TMPRSS11D: variants seen among roughly 807,000 people sequenced by gnomAD.
TMPRSS11D encodes transmembrane serine protease 11D.
Under a neutral mutation model 44.4 loss-of-function variants are expected in TMPRSS11D, and 32 were observed. That is an observed-to-expected ratio of 0.72 (90% CI 0.54 to 0.97). The LOEUF is 0.97. TMPRSS11D is among the 50% of genes least tolerant of loss of function. The pLI, the probability that TMPRSS11D is intolerant of heterozygous loss-of-function variation, is 0.00. For missense variants in TMPRSS11D, 446 were observed against 502.6 expected, an observed-to-expected ratio of 0.89 and a Z score of 1.08; for synonymous variants, 179 against 177.9, an observed-to-expected ratio of 1.01 and a Z score of -0.05.
intron 4 of TMPRSS11D, among the ~76,000 whole-genome samples, chr4:67,841,351 T>C (rs552726873): frequency 1.3e-5 from 2 of 152,032 alleles, no homozygotes; most frequent in East Asian, 3.9e-4. Flanking sequence ...TAAGAAGGAA[T>C]AGCTAGGGAG....
rs146142881 is a variant in TMPRSS11D, at chr4:67,857,059, A to G, written c.130+2498T>C. ...GGAAATGTAAACTAGTGCAGCCATT[A>G]TGGAAAACGGTATTGAGATTTCTCA... On this transcript the variant is annotated intron_variant, in intron 2 of 9. Transcript: ENST00000283916. Among the ~76,000 whole-genome samples the G allele has an allele frequency of 7.4e-3, 1,128 of 152,176 alleles. 20 individuals are homozygous for G. Among genetic ancestry groups the G allele is most frequent in the African/African-American group, 0.026 (1,078 of 41,522 alleles).
At chr4:67,830,331 A>T (rs1717915526) in intron 7 of TMPRSS11D, among the ~76,000 whole-genome samples, 1 of 151,822 alleles carries the variant, frequency 6.6e-6, no homozygotes, top group Non-Finnish European at 1.5e-5. Flanking sequence ...TGACAGGAGG[A>T]AAAAAAATTA....
chr4:67,850,900 GC>G (rs1718491529), intron 3 of TMPRSS11D, among the ~76,000 whole-genome samples: 1 of 152,136 alleles, frequency 6.6e-6, no homozygotes, highest in South Asian at 2.1e-4. Context: ...ATAGATGACT[GC>G]ACACACACTC....
At chr4:67,850,891 T>C (rs533498872) in intron 3 of TMPRSS11D, among the ~76,000 whole-genome samples, 4 of 152,358 alleles carry the variant, frequency 2.6e-5, no homozygotes, top group African/African-American at 9.6e-5. Flanking sequence ...TTACAACTTA[T>C]AGATGACTGC....
intron 3 of TMPRSS11D, among the ~76,000 whole-genome samples, chr4:67,847,917 C>A (rs1331733461): frequency 1.3e-5 from 2 of 151,994 alleles, no homozygotes; most frequent in African/African-American, 4.8e-5. Context: ...TTTTGTGTTT[C>A]TTAGACACTT....
At chr4:67,846,734 T>G (rs1437064138) in intron 3 of TMPRSS11D, among the ~76,000 whole-genome samples, 1 of 152,196 alleles carries the variant, frequency 6.6e-6, no homozygotes. Flanking sequence ...ACATTATAGT[T>G]AATCTTTTCT....
At chr4:67,862,873 C>T (rs922000715) in intron 1 of TMPRSS11D, among the ~76,000 whole-genome samples, 6 of 151,272 alleles carry the variant, frequency 4.0e-5, no homozygotes, top group African/African-American at 1.5e-4. Flanking sequence ...CACTTGGACA[C>T]AGGGAGGGGA....
chr4:67,846,056 G>A lies in TMPRSS11D; in HGVS notation c.250-3431C>T, dbSNP rs576339100. Among the ~76,000 whole-genome samples, 123 of 152,202 alleles carry A rather than the reference G, an allele frequency of 8.1e-4. No homozygotes were observed. In the Middle Eastern group the frequency reaches 0.01, roughly 13 times the overall value. On this transcript the variant is annotated intron_variant, in intron 3 of 9. Coordinates refer to ENST00000283916, the MANE Select transcript of TMPRSS11D (RefSeq NM_004262.3). ...TATTATTAGAATAGAAGTAATAGAA[G>A]TAATGCTTTTGTCATTTTAATCACT...
intron 1 of TMPRSS11D, among the ~76,000 whole-genome samples, chr4:67,864,864 T>C (rs1189121314): frequency 6.6e-6 from 1 of 151,826 alleles, no homozygotes; most frequent in Non-Finnish European, 1.5e-5. Flanking sequence ...AGAGCACCCA[T>C]ATTCATAAAA....
At chr4:67,827,821 T>G (rs1233528689) in intron 7 of TMPRSS11D, among the ~76,000 whole-genome samples, 1 of 152,064 alleles carries the variant, frequency 6.6e-6, no homozygotes, top group Non-Finnish European at 1.5e-5. Flanking sequence ...CACAAATATC[T>G]TTGATTTCTC....
chr4:67,859,669 A>G lies in TMPRSS11D; in HGVS notation c.18T>C (p.Arg6=). The change falls in exon 2 of 10, where the codon CGT becomes CGC. Residue 6 remains arginine, a synonymous_variant. Transcript: ENST00000283916. The part of the protein sequence containing the change: MYRPA[R]VTSTSRFLNP... ...TCAGAAATCTTGAAGTCGAAGTTAC[A>G]CGTGCTGGCCTTACAAGAGAGAGAG... 1 of 1,612,858 alleles carries G rather than the reference A, an allele frequency of 6.2e-7. No homozygotes were observed. The highest frequency in any genetic ancestry group is 1.1e-5 in the South Asian group (1 of 91,046).
At chr4:67,828,084 G>C (rs982976653) in intron 7 of TMPRSS11D, among the ~76,000 whole-genome samples, 1 of 151,330 alleles carries the variant, frequency 6.6e-6, no homozygotes, top group Non-Finnish European at 1.5e-5. Context: ...GTATGTATGG[G>C]GTCTTCAAAA....
At chr4:67,861,151 CT>C (rs1718784100) in intron 1 of TMPRSS11D, among the ~76,000 whole-genome samples, 1 of 152,068 alleles carries the variant, frequency 6.6e-6, no homozygotes, top group Non-Finnish European at 1.5e-5. Flanking sequence ...TTTATGATGT[CT>C]TTTTGCTATA....
intron 3 of TMPRSS11D, among the ~76,000 whole-genome samples, chr4:67,852,313 T>C (rs1718528794): frequency 6.6e-6 from 1 of 152,154 alleles, no homozygotes; most frequent in Admixed American, 6.5e-5. Flanking sequence ...AGATGAGCAC[T>C]GAAAGCTTTG....
intron 7 of TMPRSS11D, among the ~76,000 whole-genome samples, chr4:67,832,849 C>T (rs1717979968): frequency 6.6e-6 from 1 of 151,752 alleles, no homozygotes; most frequent in African/African-American, 2.4e-5. Flanking sequence ...TCAATGCTAC[C>T]AGTAACACTA....
chr4:67,821,321 G>T lies in TMPRSS11D; in HGVS notation c.*1016C>A, dbSNP rs998687753. ...GTGACAAAGTTTTTTCTGTCTTCAG[G>T]ATCATTCTATTGATATTAAGCTATT... On this transcript the variant is annotated 3_prime_UTR_variant, in exon 10 of 10. Transcript: ENST00000283916. The T allele has an allele frequency of 6.6e-6, 1 of 152,024 alleles. No individual in the cohort carries two copies. The highest frequency in any genetic ancestry group is 1.5e-5 in the Non-Finnish European group (1 of 67,996). The allele number at this position is 152,024 out of a possible 1,614,324, so 9.4% of individuals were successfully genotyped here. A position where few individuals can be genotyped will look rare whatever the true frequency, so the allele number is the denominator to read the frequency against.
intron 3 of TMPRSS11D, 114 bp downstream of exon 3, chr4:67,853,953 CA>C (rs1366998191): frequency 1.7e-6 from 1 of 602,132 alleles, no homozygotes; most frequent in East Asian, 3.1e-5. Flanking sequence ...TTTCACCATT[CA>C]AGGAAGGAAA....
chr4:67,866,160 G>GCAT (rs1718920293), intron 1 of TMPRSS11D, among the ~76,000 whole-genome samples: 1 of 151,776 alleles, frequency 6.6e-6, no homozygotes, highest in Non-Finnish European at 1.5e-5. Flanking sequence ...TGGTCAACTG[G>GCAT]GTTTTATTCC....
chr4:67,823,540 C>A (rs1436086935), intron 9 of TMPRSS11D, among the ~76,000 whole-genome samples: 1 of 152,136 alleles, frequency 6.6e-6, no homozygotes, highest in Non-Finnish European at 1.5e-5. Context: ...ACTCAAAGCA[C>A]TTTGAGTACA....
Sources: allele counts gnomAD v4.1 joint callset (sites outside exome capture counted in the v4.1 genomes callset), GRCh38; gene constraint gnomAD v4.1.1; transcripts MANE v1.5; gene names NCBI Gene and HGNC (gene_info 2026-07-23, HGNC 2026-07-21).